The following MAGI1 variants were observed in gnomAD, a reference collection of about 807,000 sequenced individuals.
MAGI1 encodes membrane associated guanylate kinase, WW and PDZ domain containing 1.
In MAGI1, 58 loss-of-function variants were observed where a neutral mutation model predicts 139.9. The ratio of observed to expected loss-of-function variants is 0.41; its 90% CI spans 0.34 to 0.52. The LOEUF is 0.52. Among genes scored for constraint, MAGI1 ranks in the 20% least tolerant of loss-of-function variants. MAGI1 has a pLI of 0.12. For missense variants in MAGI1, 1,874 were observed against 1,901.6 expected, an observed-to-expected ratio of 0.99 and a Z score of 0.27; for synonymous variants, 812 against 737.9, an observed-to-expected ratio of 1.10 and a Z score of -1.63.
At chr3:65,813,444 A>T (rs1347549046) in intron 1 of MAGI1, among the ~76,000 whole-genome samples, 1 of 152,232 alleles carries the variant, frequency 6.6e-6, no homozygotes, top group Non-Finnish European at 1.5e-5. Flanking sequence ...AAAAATGACC[A>T]TTAAGAAACA....
intron 2 of MAGI1, among the ~76,000 whole-genome samples, chr3:65,618,140 T>G (rs887976777): frequency 6.6e-6 from 1 of 152,146 alleles, no homozygotes; most frequent in Non-Finnish European, 1.5e-5. Context: ...AAAAATAATA[T>G]GTACTCATTT....
At chr3:65,720,634 C>T (rs192572257) in intron 1 of MAGI1, among the ~76,000 whole-genome samples, 33 of 152,272 alleles carry the variant, frequency 2.2e-4, no homozygotes, top group African/African-American at 7.0e-4. Flanking sequence ...CCAAGAAACA[C>T]GTAAAGCTTC....
At chr3:65,664,472 A>G (rs2086387381) in intron 1 of MAGI1, among the ~76,000 whole-genome samples, 1 of 152,232 alleles carries the variant, frequency 6.6e-6, no homozygotes, top group Admixed American at 6.5e-5. Flanking sequence ...TTTACAGACG[A>G]AAAAACTCTG....
rs551831091 is a variant in MAGI1 at position 65,724,045 on chromosome 3, T to C, written c.314-101957A>G. On this transcript the variant is annotated intron_variant, in intron 1 of 22. Coordinates refer to ENST00000402939, the MANE Select transcript of MAGI1 (RefSeq NM_001033057.2). Reference sequence around the variant, plus strand: ...GCAACTTAATACTCTGAGCAAAGCATTGACAATGATATGCCTGAACAGACA... The same window carrying C: ...GCAACTTAATACTCTGAGCAAAGCACTGACAATGATATGCCTGAACAGACA... 1.1e-4 allele frequency among the ~76,000 whole-genome samples: 16 copies of C among 152,356 alleles called. No individual in the cohort carries two copies. In the East Asian group the frequency reaches 2.9e-3, roughly 28 times the overall value.
At chr3:65,661,987 T>C (rs2086224923) in intron 1 of MAGI1, among the ~76,000 whole-genome samples, 2 of 152,148 alleles carry the variant, frequency 1.3e-5, no homozygotes, top group South Asian at 4.2e-4. Flanking sequence ...GACCTCGTGA[T>C]CCACCTGCCT....
At chr3:65,411,542 A>C (rs1945794107) in intron 12 of MAGI1, among the ~76,000 whole-genome samples, 1 of 152,100 alleles carries the variant, frequency 6.6e-6, no homozygotes, top group Non-Finnish European at 1.5e-5. Context: ...AAAAGAAAAC[A>C]CTGATAAGGA....
At chr3:65,555,037 T>C (rs1212217999) in intron 2 of MAGI1, among the ~76,000 whole-genome samples, 1 of 152,192 alleles carries the variant, frequency 6.6e-6, no homozygotes, top group Non-Finnish European at 1.5e-5. Flanking sequence ...TTGATCATGA[T>C]ACCATGGTTA....
intron 12 of MAGI1, among the ~76,000 whole-genome samples, chr3:65,414,606 G>C (rs1218136646): frequency 6.6e-6 from 1 of 152,072 alleles, no homozygotes; most frequent in Non-Finnish European, 1.5e-5. Context: ...AGTGATTCCT[G>C]GATTTTACAT....
At chr3:65,592,394 T>C (rs914736750) in intron 2 of MAGI1, among the ~76,000 whole-genome samples, 8 of 152,118 alleles carry the variant, frequency 5.3e-5, no homozygotes, top group South Asian at 2.1e-4. Flanking sequence ...TTATCAATAA[T>C]ACTGAAAAAC....
chr3:65,996,727 A>G (rs2066469388), intron 1 of MAGI1, among the ~76,000 whole-genome samples: 1 of 152,026 alleles, frequency 6.6e-6, no homozygotes, highest in African/African-American at 2.4e-5. Flanking sequence ...AGCAATAGAC[A>G]CTCCAGCTTG....
At chr3:65,529,330 C>A (rs1242720799) in intron 2 of MAGI1, among the ~76,000 whole-genome samples, 9 of 152,130 alleles carry the variant, frequency 5.9e-5, no homozygotes, top group African/African-American at 2.2e-4. Flanking sequence ...TTCATCACCA[C>A]AAACAGAAAC....
At chr3:65,839,927 AT>A (rs1248971377) in intron 1 of MAGI1, among the ~76,000 whole-genome samples, 1 of 152,138 alleles carries the variant, frequency 6.6e-6, no homozygotes. Context: ...TTTAGGTCTC[AT>A]TTATTGTCTT....
At chr3:65,563,407 A>G (rs1048821630) in intron 2 of MAGI1, among the ~76,000 whole-genome samples, 1 of 152,150 alleles carries the variant, frequency 6.6e-6, no homozygotes, top group Non-Finnish European at 1.5e-5. Context: ...TCCCTCCCAC[A>G]TGAAGAGAGC....
intron 1 of MAGI1, among the ~76,000 whole-genome samples, chr3:65,724,133 C>T (rs1006653808): frequency 2.0e-5 from 3 of 152,232 alleles, no homozygotes; most frequent in Non-Finnish European, 4.4e-5. Context: ...GAGCTTTCTT[C>T]CACCTCAACA....
intron 1 of MAGI1, among the ~76,000 whole-genome samples, chr3:65,650,625 C>T (rs988333687): frequency 3.3e-5 from 5 of 152,186 alleles, no homozygotes; most frequent in Admixed American, 3.3e-4. Flanking sequence ...GCCTCCAGAA[C>T]TGTGAGAGAA....
intron 1 of MAGI1, among the ~76,000 whole-genome samples, chr3:65,744,528 T>C (rs1435335210): frequency 6.6e-6 from 1 of 152,204 alleles, no homozygotes; most frequent in African/African-American, 2.4e-5. Context: ...AAATCTTAAG[T>C]AGCTGACCAG....
intron 1 of MAGI1, among the ~76,000 whole-genome samples, chr3:65,841,088 C>G (rs1296249012): frequency 6.6e-6 from 1 of 152,170 alleles, no homozygotes; most frequent in Non-Finnish European, 1.5e-5. Flanking sequence ...TATTATTCCC[C>G]TAGACGTTTT....
chr3:65,569,907 T>C (rs1313273046), intron 2 of MAGI1, among the ~76,000 whole-genome samples: 1 of 151,736 alleles, frequency 6.6e-6, no homozygotes, highest in Non-Finnish European at 1.5e-5. Flanking sequence ...AATATTTATC[T>C]GGTGAATTAT....
At chr3:65,367,429 G>T (rs1941537289) in intron 18 of MAGI1, among the ~76,000 whole-genome samples, 1 of 151,566 alleles carries the variant, frequency 6.6e-6, no homozygotes, top group Admixed American at 6.6e-5. Context: ...CTCTTTTTTG[G>T]GTTGAAGCTT....
Sources: allele counts gnomAD v4.1 joint callset (sites outside exome capture counted in the v4.1 genomes callset), GRCh38; gene constraint gnomAD v4.1.1; transcripts MANE v1.5; gene names NCBI Gene and HGNC (gene_info 2026-07-23, HGNC 2026-07-21).